Variants in SP110 observed in about 807,000 individuals in gnomAD.
SP110 encodes the protein SP110 nuclear body protein, also known as interferon-induced protein 41, 30kD.
A neutral mutation model predicts 92.7 loss-of-function variants in SP110; 62 were observed. The observed-to-expected ratio is 0.67, with a 90% CI of 0.55 to 0.83. The LOEUF (loss-of-function observed/expected upper bound fraction) is 0.83, where lower values mean the gene tolerates loss of function less well. SP110 is among the 40% of genes least tolerant of loss of function. The pLI is 0.00. For missense variants in SP110, 793 were observed against 863.9 expected (o/e 0.92, Z 1.03); for synonymous variants, 273 against 305.3 (o/e 0.89, Z 1.10).
chr2:230,176,753 G>C (rs2041880692), intron 14 of SP110: 1 of 1,613,254 alleles, frequency 6.2e-7, no homozygotes, highest in Non-Finnish European at 8.5e-7. Flanking sequence ...CAATGAATGA[G>C]GTTATTCTGG....
chr2:230,184,416 G>A (rs4973288), intron 11 of SP110, among the ~76,000 whole-genome samples: 5 of 151,548 alleles, frequency 3.3e-5, no homozygotes, highest in Admixed American at 2.0e-4. Flanking sequence ...TTGTCAGGAC[G>A]GGGAAGCAGC....
At chr2:230,188,602 A>G (rs6752361) in intron 10 of SP110, among the ~76,000 whole-genome samples, 116,776 of 152,124 alleles carry the variant, frequency 0.77, 44,939 homozygotes, top group Admixed American at 0.83. Context: ...TTTCCCATTT[A>G]GTATCACATT....
chr2:230,183,196 C>A (rs1406502698), intron 12 of SP110, among the ~76,000 whole-genome samples: 1 of 152,140 alleles, frequency 6.6e-6, no homozygotes, highest in African/African-American at 2.4e-5. Context: ...AGGGTCCCAA[C>A]CAACACAGGA....
At position 230,206,595 on chromosome 2, in the gene SP110, TTATATATATATATATATATATATATATA is replaced by T. The variant is rs56817002; in HGVS notation, c.898+1368_898+1395del. ...TATTATATATTATCTGGTCCAGATT[TTATATATATATATATATATATATATATA>T]TATATATATATATATGGACCACACT... is the stretch of plus-strand genomic sequence containing the variant. On this transcript the variant is annotated intron_variant, in intron 8 of 18. Coordinates refer to ENST00000258381, the MANE Select transcript of SP110 (RefSeq NM_080424.4). Among the ~76,000 whole-genome samples the T allele has an allele frequency of 4.0e-4, 28 of 70,530 alleles. 2 individuals carry two copies. The highest frequency in any genetic ancestry group is 8.0e-4 in the East Asian group (1 of 1,244). The allele number at this position is 70,530 out of a possible 152,430, so 46.3% of individuals were successfully genotyped here.
intron 1 of SP110, among the ~76,000 whole-genome samples, chr2:230,218,760 C>T (rs775887568): frequency 9.9e-5 from 15 of 152,156 alleles, no homozygotes; most frequent in Non-Finnish European, 2.2e-4. Context: ...TACTACATCT[C>T]ATATATGACT....
intron 10 of SP110, among the ~76,000 whole-genome samples, chr2:230,189,773 T>A (rs1467067171): frequency 6.6e-6 from 1 of 152,138 alleles, no homozygotes; most frequent in Non-Finnish European, 1.5e-5. Flanking sequence ...AACTCCCACT[T>A]ATGAGTGAGA....
At chr2:230,176,489 A>G in intron 14 of SP110, 1 of 1,486,998 alleles carries the variant, frequency 6.7e-7, no homozygotes, top group Non-Finnish European at 8.9e-7. Flanking sequence ...TTTTCATTTA[A>G]TTTTTATTTT....
chr2:230,214,916 T>C, intron 3 of SP110, 34 bp downstream of exon 3: 1 of 1,598,296 alleles, frequency 6.3e-7, no homozygotes, highest in Non-Finnish European at 8.6e-7. Context: ...TAGCAACTTT[T>C]TAAATGCAAA....
intron 8 of SP110, among the ~76,000 whole-genome samples, chr2:230,204,021 A>G (rs2043481760): frequency 6.6e-6 from 1 of 152,216 alleles, no homozygotes; most frequent in Non-Finnish European, 1.5e-5. Context: ...TTACCCAGGT[A>G]AAAAATTGGA....
In SP110 at chr2:230,216,784, G is replaced by A. The variant is rs201435337; in HGVS notation, c.144C>T (p.Tyr48=). 7.2e-5 allele frequency: 116 copies of A among 1,613,780 alleles called. No homozygotes were observed. The highest frequency in any genetic ancestry group is 9.5e-5 in the Non-Finnish European group (112 of 1,179,912). The change falls in exon 2 of 19, where the codon TAC becomes TAT. Residue 48 remains tyrosine, a synonymous_variant. Transcript: ENST00000258381. ...GGAAGGGTTCAACATGACTCACCAT[G>A]TACATTCTCTTAGTGATGATGGAGT... The part of the protein sequence containing the change: ...LDNSIITKRM[Y]MESLEACRNL...
intron 10 of SP110, among the ~76,000 whole-genome samples, chr2:230,189,446 A>G (rs1415783580): frequency 6.6e-6 from 1 of 152,192 alleles, no homozygotes; most frequent in Non-Finnish European, 1.5e-5. Context: ...TAACCCATAA[A>G]TCATTCAGGA....
intron 14 of SP110, chr2:230,173,732 T>G (rs2041720678): frequency 6.6e-6 from 1 of 152,164 alleles, no homozygotes; most frequent in Non-Finnish European, 1.5e-5. Flanking sequence ...TACTACAACC[T>G]GAATCCTGTG....
chr2:230,220,107 G>T (rs2045676281), upstream of SP110: 1 of 984,458 alleles, frequency 1.0e-6, no homozygotes, highest in Non-Finnish European at 1.2e-6. Context: ...CTCCTCATGG[G>T]CACTTGTGAG....
At position 230,207,978 on chromosome 2, in the gene SP110, A is replaced by T. The variant is rs770247714; in HGVS notation, c.898+13T>A. On this transcript the variant is annotated intron_variant, in intron 8 of 18. Coordinates refer to ENST00000258381, the MANE Select transcript of SP110 (RefSeq NM_080424.4). The stretch of plus-strand genomic sequence containing the variant: ...TTTCCAGCCTCCAGCTTCCTCTTGT[A>T]CTCTCATCTTACCTCCTGGGAGGCT... 4.5e-6 allele frequency: 6 copies of T among 1,345,566 alleles called. No homozygotes were observed. The allele number at this position is 1,345,566 out of a possible 1,614,324, so 83.4% of individuals were successfully genotyped here. A position where few individuals can be genotyped will look rare whatever the true frequency, so the allele number is the denominator to read the frequency against.
chr2:230,171,488 C>G (rs1411155460), intron 17 of SP110: 3 of 603,510 alleles, frequency 5.0e-6, no homozygotes, highest in Non-Finnish European at 8.9e-6. Context: ...CCCGGTATCC[C>G]AGAGCCCGTG....
upstream of SP110, chr2:230,221,841 T>G (rs1464356799): frequency 9.9e-7 from 1 of 1,008,300 alleles, no homozygotes; most frequent in African/African-American, 1.6e-5. Context: ...AAAGCAGGAG[T>G]GGGAAAATAA....
At chr2:230,208,554 G>A (rs1031849504) in intron 7 of SP110, among the ~76,000 whole-genome samples, 1 of 152,184 alleles carries the variant, frequency 6.6e-6, no homozygotes, top group Non-Finnish European at 1.5e-5. Context: ...CAAATAAGGG[G>A]ATTCTCATCT....
chr2:230,210,533 G>A (rs1161604590), intron 6 of SP110, among the ~76,000 whole-genome samples: 3 of 152,196 alleles, frequency 2.0e-5, no homozygotes, highest in African/African-American at 7.2e-5. Flanking sequence ...ATTTTACTTG[G>A]AGAAATAGTG....
At chr2:230,171,933 T>C (rs1226911922) in intron 16 of SP110, 133 bp downstream of exon 16, 1 of 840,966 alleles carries the variant, frequency 1.2e-6, no homozygotes, top group African/African-American at 1.7e-5. Flanking sequence ...ACTCTGAGTT[T>C]GGGCATTAAA....
Sources: allele counts gnomAD v4.1 joint callset (sites outside exome capture counted in the v4.1 genomes callset), GRCh38; gene constraint gnomAD v4.1.1; transcripts MANE v1.5; gene names NCBI Gene and HGNC (gene_info 2026-07-23, HGNC 2026-07-21).